PDIA5: variants seen among roughly 807,000 people sequenced by gnomAD.
PDIA5 encodes protein disulfide isomerase family A member 5, also known as protein disulfide-isomerase A5.
Under a neutral mutation model 77.6 loss-of-function variants are expected in PDIA5, and 58 were observed. The ratio of observed to expected loss-of-function variants is 0.75; its 90% CI spans 0.61 to 0.93. The LOEUF (loss-of-function observed/expected upper bound fraction) is 0.93. Among genes scored for constraint, PDIA5 ranks in the 40% least tolerant of loss-of-function variants. The pLI, the probability that PDIA5 is intolerant of heterozygous loss-of-function variation, is 0.00. For synonymous variants in PDIA5, 250 were observed against 252.1 expected (o/e 0.99, Z 0.08); for missense variants, 630 against 647.7 (o/e 0.97, Z 0.30).
At chr3:123,130,012 C>T (rs776016829) in intron 10 of PDIA5, among the ~76,000 whole-genome samples, 1 of 152,182 alleles carries the variant, frequency 6.6e-6, no homozygotes, top group East Asian at 1.9e-4. Flanking sequence ...TCTCTCTCTC[C>T]TCCTCACCCC....
At chr3:123,114,797 G>A (rs915974713) in intron 7 of PDIA5, among the ~76,000 whole-genome samples, 9 of 152,186 alleles carry the variant, frequency 5.9e-5, no homozygotes, top group Admixed American at 3.3e-4. Context: ...CAGATTCGGC[G>A]GGCTCGCGCT....
Position 123,112,858 on chromosome 3 carries a change from C to T in PDIA5, c.541+1854C>T, listed in dbSNP as rs1274414218. 3.9e-5 allele frequency among the ~76,000 whole-genome samples: 6 copies of T among 152,084 alleles called. No homozygotes were observed. In the East Asian group the frequency reaches 1.2e-3, roughly 29 times the overall value. Reference sequence around the variant, plus strand: ...TACAGGTGTGAACCACCGTGCCCGGCCCCCCAAGCCCTGTTTTGATTGCTG... The same window carrying T: ...TACAGGTGTGAACCACCGTGCCCGGTCCCCCAAGCCCTGTTTTGATTGCTG... On this transcript the variant is annotated intron_variant, in intron 7 of 16. Transcript: ENST00000316218.
chr3:123,133,987 C>CCTTTT (rs745415225), intron 11 of PDIA5, among the ~76,000 whole-genome samples: 1 of 145,038 alleles, frequency 6.9e-6, no homozygotes, highest in African/African-American at 2.6e-5. Flanking sequence ...CTTTTCTTTT[C>CCTTTT]CTTTTCTTTT....
At chr3:123,070,759 C>T (rs961636734) in intron 1 of PDIA5, among the ~76,000 whole-genome samples, 4 of 152,120 alleles carry the variant, frequency 2.6e-5, no homozygotes, top group Non-Finnish European at 5.9e-5. Flanking sequence ...TCTCTAGGGC[C>T]GTCCATGCTG....
chr3:123,129,891 G>A (rs770362138), intron 10 of PDIA5, among the ~76,000 whole-genome samples: 16 of 152,152 alleles, frequency 1.1e-4, no homozygotes, highest in Non-Finnish European at 1.6e-4. Context: ...ACACGCTGTC[G>A]TAGTTAGGAT....
chr3:123,086,617 T>C lies in PDIA5; in HGVS notation c.43-2551T>C, dbSNP rs1456577958. The stretch of plus-strand genomic sequence containing the variant: ...CCTTTTTATTGACCATGTTCCTCCA[T>C]GAGCTCCGTCGTTGCTCTGTTCTGG... On this transcript the variant is annotated intron_variant, in intron 1 of 16. Transcript: ENST00000316218. Among the ~76,000 whole-genome samples the C allele has an allele frequency of 3.3e-5, 5 of 152,242 alleles. No individual in the cohort carries two copies. In the East Asian group the frequency reaches 9.6e-4, roughly 29 times the overall value.
At chr3:123,103,094 G>A (rs1934643781) in intron 5 of PDIA5, among the ~76,000 whole-genome samples, 1 of 152,188 alleles carries the variant, frequency 6.6e-6, no homozygotes. Flanking sequence ...TTTCGTTGTA[G>A]CTTCAAAGTC....
chr3:123,148,895 G>A lies in PDIA5; in HGVS notation c.1143-1339G>A, dbSNP rs1271059612. 2.6e-5 allele frequency among the ~76,000 whole-genome samples: 4 copies of A among 152,220 alleles called. No individual in the cohort carries two copies. In the South Asian group the frequency reaches 6.2e-4, roughly 24 times the overall value. On this transcript the variant is annotated intron_variant, in intron 13 of 16. Transcript: ENST00000316218. ...GAGACTCGTCACCCAGAAGCAGGGC[G>A]AGCAGACAGCGCCAGAAAAGGTGGA...
At chr3:123,098,746 G>A (rs566707208) in intron 3 of PDIA5, among the ~76,000 whole-genome samples, 1 of 152,302 alleles carries the variant, frequency 6.6e-6, no homozygotes, top group South Asian at 2.1e-4. Flanking sequence ...GGTTCTTGCA[G>A]GACAGGGGCC....
intron 3 of PDIA5, among the ~76,000 whole-genome samples, chr3:123,095,694 A>C (rs1934415827): frequency 1.3e-5 from 2 of 150,558 alleles, no homozygotes; most frequent in African/African-American, 4.9e-5. Context: ...GGTTGCAGTG[A>C]GCCGAGATCA....
rs1174692027 is a variant in PDIA5, at chr3:123,151,995, G to GCCTTCCTTCCTT, written c.1273+1643_1273+1654dup. Among the ~76,000 whole-genome samples, 7 of 65,720 alleles carry GCCTTCCTTCCTT rather than the reference G, an allele frequency of 1.1e-4. 1 individual carries two copies. Among genetic ancestry groups the GCCTTCCTTCCTT allele is most frequent in the African/African-American group, 6.3e-4 (7 of 11,146 alleles). 43.1% of individuals were successfully genotyped at this position (65,720 alleles called of 152,430 possible). ...TTCCTGCCTTCCTTCCTGCCTTCCT[G>GCCTTCCTTCCTT]CCTTCCTTCCTTCCTTCCTTCCTGC... On this transcript the variant is annotated intron_variant, in intron 14 of 16. Transcript: ENST00000316218.
chr3:123,089,542 C>T (rs565708576), intron 2 of PDIA5, among the ~76,000 whole-genome samples: 40 of 152,356 alleles, frequency 2.6e-4, no homozygotes, highest in African/African-American at 8.7e-4. Context: ...CTCTGGAGCC[C>T]CTCACTCCTC....
chr3:123,100,890 C>T (rs1207211222), intron 3 of PDIA5, among the ~76,000 whole-genome samples: 1 of 152,220 alleles, frequency 6.6e-6, no homozygotes, highest in African/African-American at 2.4e-5. Flanking sequence ...GATACAGCGC[C>T]TTGCCTCAGG....
At chr3:123,115,059 G>A (rs950089640) in intron 7 of PDIA5, among the ~76,000 whole-genome samples, 58 of 152,172 alleles carry the variant, frequency 3.8e-4, no homozygotes, top group African/African-American at 1.3e-3. Context: ...CTGTCTAGGC[G>A]TCAGCTAAGC....
chr3:123,134,970 C>T (rs1414095438), intron 11 of PDIA5, among the ~76,000 whole-genome samples: 1 of 152,228 alleles, frequency 6.6e-6, no homozygotes, highest in Non-Finnish European at 1.5e-5. Flanking sequence ...GGCTTCGTGC[C>T]TGACCTCCCT....
At chr3:123,091,184 C>G (rs910856344) in intron 2 of PDIA5, among the ~76,000 whole-genome samples, 1 of 152,166 alleles carries the variant, frequency 6.6e-6, no homozygotes, top group Non-Finnish European at 1.5e-5. Context: ...GGAGTGCCTT[C>G]TCCGAGTGAC....
chr3:123,136,115 T>G (rs1935497323), intron 11 of PDIA5, among the ~76,000 whole-genome samples: 1 of 152,120 alleles, frequency 6.6e-6, no homozygotes, highest in East Asian at 1.9e-4. Flanking sequence ...GATTTCTTTT[T>G]GTAGAAATGG....
chr3:123,147,908 C>T (rs1935806099), intron 13 of PDIA5, among the ~76,000 whole-genome samples: 1 of 152,098 alleles, frequency 6.6e-6, no homozygotes, highest in Non-Finnish European at 1.5e-5. Flanking sequence ...GTTAGAGAGC[C>T]GAGGGAATCC....
chr3:123,071,564 A>C (rs1458372427), intron 1 of PDIA5, among the ~76,000 whole-genome samples: 2 of 152,212 alleles, frequency 1.3e-5, no homozygotes, highest in African/African-American at 4.8e-5. Flanking sequence ...TGTAGTGCAC[A>C]TTTCCCACAG....
Sources: gnomAD v4.1 joint callset for allele counts (sites outside exome capture counted in the v4.1 genomes callset) on GRCh38, gnomAD v4.1.1 for gene constraint, MANE v1.5 for transcripts, NCBI Gene and HGNC (gene_info 2026-07-23, HGNC 2026-07-21) for gene names.